Variants in WWC2 observed in about 807,000 individuals in gnomAD.
The protein encoded by WWC2 is WW and C2 domain containing 2, also known as protein WWC2.
A neutral mutation model predicts 138.5 loss-of-function variants in WWC2; 101 were observed. That is an observed-to-expected ratio of 0.73 (90% CI 0.62 to 0.86). WWC2 has a LOEUF of 0.86. WWC2 is among the 40% of genes least tolerant of loss of function. The pLI, the probability that WWC2 is intolerant of heterozygous loss-of-function variation, is 0.00. For missense variants in WWC2, 1,420 were observed against 1,419.4 expected (o/e 1.00, Z -0.01); for synonymous variants, 558 against 538.4 (o/e 1.04, Z -0.50).
At chr4:183,210,916 C>A (rs1427653456) in intron 4 of WWC2, among the ~76,000 whole-genome samples, 1 of 152,200 alleles carries the variant, frequency 6.6e-6, no homozygotes, top group Non-Finnish European at 1.5e-5. Flanking sequence ...CATGTGGCAC[C>A]TGACTGTACA....
intron 1 of WWC2, among the ~76,000 whole-genome samples, chr4:183,133,768 T>C (rs1248427677): frequency 1.3e-5 from 2 of 152,228 alleles, no homozygotes; most frequent in South Asian, 4.1e-4. Context: ...GTGCTGGGAT[T>C]ACAGGCGTGA....
chr4:183,219,734 A>G (rs1407129219), intron 4 of WWC2, among the ~76,000 whole-genome samples: 3 of 152,208 alleles, frequency 2.0e-5, no homozygotes, highest in Non-Finnish European at 4.4e-5. Flanking sequence ...AACTTTTTCT[A>G]TAAAGATCCA....
chr4:183,311,949 G>A (rs1232770386), intron 21 of WWC2, among the ~76,000 whole-genome samples: 4 of 151,928 alleles, frequency 2.6e-5, no homozygotes, highest in Admixed American at 2.6e-4. Flanking sequence ...AGATAAAAAG[G>A]GTCAAAAAGA....
intron 16 of WWC2, 46 bp downstream of exon 16, chr4:183,271,287 A>G (rs1331238454): frequency 3.4e-6 from 5 of 1,481,186 alleles, no homozygotes; most frequent in South Asian, 1.5e-5. Context: ...TGAAATACAT[A>G]TATGAAATAC....
chr4:183,116,815 G>C (rs1732427200), intron 1 of WWC2, among the ~76,000 whole-genome samples: 1 of 152,068 alleles, frequency 6.6e-6, no homozygotes, highest in East Asian at 1.9e-4. Context: ...TAGGTTATAG[G>C]CTCTGTTTAG....
intron 1 of WWC2, among the ~76,000 whole-genome samples, chr4:183,157,634 G>A (rs1733843955): frequency 6.6e-6 from 1 of 152,022 alleles, no homozygotes; most frequent in African/African-American, 2.4e-5. Flanking sequence ...CCAAGTAGCT[G>A]GCATTACAGG....
At chr4:183,293,624 GA>G (rs1214137665) in intron 21 of WWC2, among the ~76,000 whole-genome samples, 1 of 152,094 alleles carries the variant, frequency 6.6e-6, no homozygotes, top group East Asian at 1.9e-4. Context: ...CATAAGGCAA[GA>G]AAAAAAGTAG....
At chr4:183,203,822 T>C (rs532774163) in intron 2 of WWC2, among the ~76,000 whole-genome samples, 52 of 152,324 alleles carry the variant, frequency 3.4e-4, no homozygotes, top group African/African-American at 1.2e-3. Context: ...TTTCCTTTTT[T>C]GTTTTCAAGA....
chr4:183,218,846 A>G (rs530725410), intron 4 of WWC2, among the ~76,000 whole-genome samples: 1 of 152,338 alleles, frequency 6.6e-6, no homozygotes, highest in African/African-American at 2.4e-5. Context: ...ATGGAGGGCA[A>G]TCTGTATACT....
intron 1 of WWC2, among the ~76,000 whole-genome samples, chr4:183,137,505 ATTTT>A: frequency 6.8e-6 from 1 of 146,050 alleles, no homozygotes; most frequent in South Asian, 2.2e-4. Context: ...CTTCTTTGGA[ATTTT>A]TTTTTTTTTG....
At chr4:183,236,554 C>CA (rs1736430188) in intron 4 of WWC2, among the ~76,000 whole-genome samples, 1 of 152,194 alleles carries the variant, frequency 6.6e-6, no homozygotes, top group Admixed American at 6.5e-5. Flanking sequence ...GGCCAACACT[C>CA]AGTTATTGTT....
Position 183,103,752 on chromosome 4 carries a change from C to T in WWC2, c.131+4130C>T, listed in dbSNP as rs532612753. On this transcript the variant is annotated intron_variant, in intron 1 of 22. Transcript: ENST00000403733. ...GCCTGGGTTCAAGTGATTCTCATGC[C>T]TCAGCCTCATGAGTAGCTGGGATTA... 4.6e-5 allele frequency among the ~76,000 whole-genome samples: 7 copies of T among 151,524 alleles called. No individual in the cohort carries two copies. The South Asian group carries it at 1.5e-3, about 32-fold the overall frequency.
At position 183,288,422 on chromosome 4, in the gene WWC2, C is replaced by T. The variant is rs148449959; in HGVS notation, c.3142-971C>T. ...GCATTCTGTCTGCCAATAATCTAGG[C>T]AAGAAATACCTCCGTGTTCCCCTCT... On this transcript the variant is annotated intron_variant, in intron 20 of 22. Coordinates refer to ENST00000403733, the MANE Select transcript of WWC2 (RefSeq NM_024949.6). 4.4e-4 allele frequency among the ~76,000 whole-genome samples: 67 copies of T among 152,276 alleles called. 1 individual carries two copies. The East Asian group carries it at 7.0e-3, about 16-fold the overall frequency.
intron 4 of WWC2, among the ~76,000 whole-genome samples, chr4:183,224,561 G>GT: frequency 6.6e-6 from 1 of 150,914 alleles, no homozygotes. Context: ...TTTTGTTTTT[G>GT]TTTTTTGTTT....
chr4:183,220,742 G>T (rs929996712), intron 4 of WWC2, among the ~76,000 whole-genome samples: 11 of 151,892 alleles, frequency 7.2e-5, no homozygotes, highest in Non-Finnish European at 1.3e-4. Context: ...GCTGAGCCAG[G>T]AGAATGGCGT....
chr4:183,307,748 T>C (rs1261528143), intron 21 of WWC2, among the ~76,000 whole-genome samples: 1 of 152,202 alleles, frequency 6.6e-6, no homozygotes. Flanking sequence ...ACTCTACAAC[T>C]AACATCATAC....
intron 20 of WWC2, among the ~76,000 whole-genome samples, chr4:183,288,459 C>A (rs1738327211): frequency 1.3e-5 from 2 of 152,168 alleles, no homozygotes; most frequent in Admixed American, 1.3e-4. Flanking sequence ...CTGGTAGAGT[C>A]TCACCTCTCA....
chr4:183,208,137 G>A lies in WWC2; in HGVS notation c.426G>A (p.Lys142=). 6.2e-7 allele frequency: 1 copy of A among 1,613,680 alleles called. No homozygotes were observed. The highest frequency in any genetic ancestry group is 8.5e-7 in the Non-Finnish European group (1 of 1,179,674). The part of the protein sequence containing the change: ...YVRLNDAYKE[K]SSSHTSLFSG... ...GATTAAATGATGCCTATAAGGAAAA[G>A]TCAAGTTCTCACACAAGCTGTAAGT... Residue 142 remains lysine, a synonymous_variant, in exon 3 of 23, where the codon AAG becomes AAA. Transcript: ENST00000403733.
chr4:183,231,508 G>A (rs763495630), intron 4 of WWC2, among the ~76,000 whole-genome samples: 2 of 152,140 alleles, frequency 1.3e-5, no homozygotes, highest in Non-Finnish European at 2.9e-5. Context: ...GACCTCAAGT[G>A]ATCCACCTGC....
Sources: gnomAD v4.1 joint callset for allele counts (sites outside exome capture counted in the v4.1 genomes callset) on GRCh38, gnomAD v4.1.1 for gene constraint, MANE v1.5 for transcripts, NCBI Gene and HGNC (gene_info 2026-07-23, HGNC 2026-07-21) for gene names.